ZFHX2: variants seen among roughly 807,000 people sequenced by gnomAD.
ZFHX2 encodes zinc finger homeobox 2.
In ZFHX2, 75 loss-of-function variants were observed where a neutral mutation model predicts 164.8. The ratio of observed to expected loss-of-function variants is 0.46; its 90% confidence interval spans 0.38 to 0.55. ZFHX2 has a LOEUF of 0.55. Among genes scored for constraint, ZFHX2 ranks in the 20% least tolerant of loss-of-function variants. The pLI is 0.00. For missense variants in ZFHX2, 2,933 were observed against 3,308.0 expected, an observed-to-expected ratio of 0.89 and a Z score of 2.78; for synonymous variants, 1,217 against 1,351.4, an observed-to-expected ratio of 0.90 and a Z score of 2.18.
intron 1 of ZFHX2, among the ~76,000 whole-genome samples, chr14:23,547,872 A>G (rs188533450): frequency 6.6e-6 from 1 of 152,304 alleles, no homozygotes; most frequent in East Asian, 1.9e-4. Context: ...AACTAGACAG[A>G]TGTAGCCACT....
chr14:23,522,765 C>G lies in ZFHX2; in HGVS notation c.6916G>C (p.Gly2306Arg). Residue 2306 changes from glycine (G) to arginine (R), a missense_variant, in exon 10 of 10, where the codon GGG (glycine) becomes CGG (arginine). By Grantham distance (125) the Gly-to-Arg change is moderately radical. Coordinates refer to ENST00000419474, the MANE Select transcript of ZFHX2 (RefSeq NM_033400.3). ...TTTCGCTCACTGGAGACCTTGTCCC[C>G]CAAGGGCTCAGTAGGAGGGCCTGGG... ...PVPGPPTEPLGDKVSSERKPV... is the reference protein window; with the variant it reads ...PVPGPPTEPLRDKVSSERKPV... 1 of 1,536,434 alleles carries G rather than the reference C, an allele frequency of 6.5e-7. No homozygotes were observed. Among genetic ancestry groups the G allele is most frequent in the Non-Finnish European group, 8.7e-7 (1 of 1,146,934 alleles).
chr14:23,548,887 G>A (rs998979504), intron 1 of ZFHX2, among the ~76,000 whole-genome samples: 1 of 152,100 alleles, frequency 6.6e-6, no homozygotes, highest in Non-Finnish European at 1.5e-5. Flanking sequence ...CATCAGTCAC[G>A]CTGTGTCCTC....
chr14:23,534,618 G>A lies in ZFHX2; in HGVS notation c.708C>T (p.Phe236=), dbSNP rs1460174421. ...GNSGGNHVAV[F]WLCLLCRLGF... is the part of the protein sequence containing the mutation. ...CCAGGCGGCACAGAAGGCAGAGCCAGAAGACCGCCACGTGGTTGCCCCCGC... is the reference window on the plus strand; with the variant it reads ...CCAGGCGGCACAGAAGGCAGAGCCAAAAGACCGCCACGTGGTTGCCCCCGC... The change falls in exon 2 of 10, where the codon TTC becomes TTT. Residue 236 remains phenylalanine, a synonymous_variant. Coordinates refer to ENST00000419474, the MANE Select transcript of ZFHX2 (RefSeq NM_033400.3). The surrounding 1 kb of genome is among the most constrained non-coding windows in gnomAD (Gnocchi z 4.5). 4 of 1,536,052 alleles carry A rather than the reference G, an allele frequency of 2.6e-6. No individual in the cohort carries two copies. In the African/African-American group the frequency reaches 5.5e-5, roughly 21 times the overall value.
chr14:23,541,277 G>T (rs933414119), intron 1 of ZFHX2, among the ~76,000 whole-genome samples: 6 of 149,640 alleles, frequency 4.0e-5, no homozygotes, highest in Non-Finnish European at 7.4e-5. Context: ...CAGAATCTTA[G>T]ATGGACAGGA....
intron 1 of ZFHX2, chr14:23,543,777 A>G (rs1395797198): frequency 6.6e-6 from 1 of 152,156 alleles, no homozygotes; most frequent in Non-Finnish European, 1.5e-5. Context: ...ACACATGTGT[A>G]TCCATATTAG....
In ZFHX2 at chr14:23,523,368, C is replaced by T. The variant is rs1200417672; in HGVS notation, c.6574G>A (p.Ala2192Thr). The T allele has an allele frequency of 6.7e-7, 1 of 1,481,778 alleles. No homozygotes were observed. The highest frequency in any genetic ancestry group is 1.4e-5 in the African/African-American group (1 of 71,836). 91.8% of individuals were successfully genotyped at this position (1,481,778 alleles called of 1,614,324 possible). The stretch of plus-strand genomic sequence containing the variant: ...GCTGGGGGAGCCTCAGGTGCTGGGG[C>T]CAAGTCGTAGCACTTGCTTTCACTC... Reference protein sequence around the residue: ...LKSESKCYDLAPAPEAPPALK... With the variant: ...LKSESKCYDLTPAPEAPPALK... Residue 2192 changes from alanine to threonine, a missense_variant, in exon 9 of 10, where the codon GCC becomes ACC. By Grantham distance (58) the Ala-to-Thr change is moderately conservative. Transcript: ENST00000419474. The surrounding 1 kb of genome is among the most constrained non-coding windows in gnomAD (Gnocchi z 4.1).
rs1881372720 is a variant in ZFHX2, at chr14:23,546,255, G to A, written c.-50+5088C>T. On this transcript the variant is annotated intron_variant, in intron 1 of 9. Coordinates refer to ENST00000419474, the MANE Select transcript of ZFHX2 (RefSeq NM_033400.3). The surrounding 1 kb of genome is among the most constrained non-coding windows in gnomAD (Gnocchi z 4.7). ...ATGCGACATTCCAGTTGATGGTCCT[G>A]CTGGGAATTCCAAGGCCTGAACTTT... 6.6e-6 allele frequency among the ~76,000 whole-genome samples: 1 copy of A among 152,178 alleles called. No individual in the cohort carries two copies. The highest frequency in any genetic ancestry group is 1.5e-5 in the Non-Finnish European group (1 of 68,048).
At chr14:23,553,209 A>G (rs1368156210), upstream of ZFHX2, among the ~76,000 whole-genome samples, 1 of 152,242 alleles carries the variant, frequency 6.6e-6, no homozygotes, top group Non-Finnish European at 1.5e-5. Flanking sequence ...CATGACAAAA[A>G]GGAGAGATAA....
chr14:23,530,034 G>C, intron 5 of ZFHX2, 86 bp downstream of exon 5: 1 of 1,316,430 alleles, frequency 7.6e-7, no homozygotes, highest in Non-Finnish European at 1.1e-6. Flanking sequence ...CTTGAGCACA[G>C]ACATTGCTGG....
Position 23,534,102 on chromosome 14 carries a change from G to A in ZFHX2, c.1224C>T (p.Ser408=). ...EGGTLPAPVG[S]PEDPSDPPQP... Reference sequence around the variant, plus strand: ...GGGGTGGGTCACTGGGGTCTTCGGGGGAGCCCACTGGGGCAGGGAGAGTGC... The same window carrying A: ...GGGGTGGGTCACTGGGGTCTTCGGGAGAGCCCACTGGGGCAGGGAGAGTGC... The change falls in exon 2 of 10, where the codon TCC becomes TCT. Residue 408 remains serine (S), a synonymous_variant. Coordinates refer to ENST00000419474, the MANE Select transcript of ZFHX2 (RefSeq NM_033400.3). This position sits in a 1 kb window ranked among gnomAD's most constrained non-coding sequence, Gnocchi z 4.5. The A allele has an allele frequency of 6.7e-7, 1 of 1,495,174 alleles. No homozygotes were observed. Among genetic ancestry groups the A allele is most frequent in the Non-Finnish European group, 8.9e-7 (1 of 1,125,210 alleles). 92.6% of individuals were successfully genotyped at this position (1,495,174 alleles called of 1,614,324 possible).
chr14:23,525,031 A>T lies in ZFHX2; in HGVS notation c.4911T>A (p.Arg1637=). 6.5e-7 allele frequency: 1 copy of T among 1,536,002 alleles called. No individual in the cohort carries two copies. Among genetic ancestry groups the T allele is most frequent in the Non-Finnish European group, 8.7e-7 (1 of 1,146,884 alleles). The change falls in exon 9 of 10, where the codon CGT becomes CGA. Residue 1637 remains arginine, a synonymous_variant. Coordinates refer to ENST00000419474, the MANE Select transcript of ZFHX2 (RefSeq NM_033400.3). The surrounding 1 kb of genome is among the most constrained non-coding windows in gnomAD (Gnocchi z 5.9). ...RLASLLGLAS[R]VVVVWFQNAR... is the part of the protein sequence containing the mutation. ...CATTCTGGAACCACACCACCACCAC[A>T]CGGCTAGCCAGACCCAACAGACTTG...
intron 1 of ZFHX2, chr14:23,543,210 G>C (rs750845865): frequency 6.6e-5 from 10 of 152,230 alleles, no homozygotes; most frequent in Non-Finnish European, 1.2e-4. Flanking sequence ...CCCTCGGCAA[G>C]TATCACATCA....
In ZFHX2 at chr14:23,525,998, C is replaced by T. The variant is rs1453271608; in HGVS notation, c.3944G>A (p.Gly1315Asp). ...CAGGAAAGGCAATCCAGATATGAAG[C>T]CACTGGTGTCAGGGCCCTTCTTCTC... The part of the protein sequence containing the change: ...GTEKKGPDTS[G>D]FISGLPFLSP... Residue 1315 changes from glycine (G) to aspartate (D), a missense_variant, in exon 9 of 10, where the codon GGC becomes GAC. Physicochemically the swap from Gly to Asp is moderately conservative, Grantham distance 94. Transcript: ENST00000419474. The surrounding 1 kb of genome is among the most constrained non-coding windows in gnomAD (Gnocchi z 5.9). The T allele has an allele frequency of 6.5e-7, 1 of 1,529,384 alleles. No homozygotes were observed. The highest frequency in any genetic ancestry group is 8.7e-7 in the Non-Finnish European group (1 of 1,143,232). 94.7% of individuals were successfully genotyped at this position (1,529,384 alleles called of 1,614,324 possible). A position where few individuals can be genotyped will look rare whatever the true frequency, so the allele number is the denominator to read the frequency against.
intron 6 of ZFHX2, chr14:23,529,368 G>A: frequency 3.4e-6 from 1 of 296,856 alleles, no homozygotes; most frequent in South Asian, 3.7e-5. Context: ...GGGATAAAGA[G>A]CTGGGCAGTA....
Position 23,524,363 on chromosome 14 carries a change from A to C in ZFHX2, c.5579T>G (p.Leu1860Arg). The change falls in exon 9 of 10, where the codon CTG becomes CGG. Residue 1860 changes from leucine (L) to arginine (R), a missense_variant. Coordinates refer to ENST00000419474, the MANE Select transcript of ZFHX2 (RefSeq NM_033400.3). The surrounding 1 kb of genome is among the most constrained non-coding windows in gnomAD (Gnocchi z 5.6). ...CTGCTCAGGCAAGATGGTGGTGCGC[A>C]GGCGCTTGTCCCTGGGGGGCTCGCC... ...GEGEPPRDKR[L>R]RTTILPEQLE... 1 of 1,536,266 alleles carries C rather than the reference A, an allele frequency of 6.5e-7. No individual in the cohort carries two copies.
chr14:23,533,107 T>G lies in ZFHX2; in HGVS notation c.2042-23A>C, dbSNP rs935630849. 6.7e-7 allele frequency: 1 copy of G among 1,491,474 alleles called. No individual in the cohort carries two copies. The highest frequency in any genetic ancestry group is 2.5e-5 in the East Asian group (1 of 40,394). 92.4% of individuals were successfully genotyped at this position (1,491,474 alleles called of 1,614,324 possible). A position where few individuals can be genotyped will look rare whatever the true frequency, so the allele number is the denominator to read the frequency against. ...GGGCTAGAGGACAGAGACAGATTAG[T>G]GGCCCAAGAAAGAAATGGGGCACGG... On this transcript the variant is annotated intron_variant, in intron 2 of 9. Coordinates refer to ENST00000419474, the MANE Select transcript of ZFHX2 (RefSeq NM_033400.3). The surrounding 1 kb of genome is among the most constrained non-coding windows in gnomAD (Gnocchi z 4.8).
chr14:23,534,176 C>T lies in ZFHX2; in HGVS notation c.1150G>A (p.Gly384Arg), dbSNP rs1465835595. 6.8e-7 allele frequency: 1 copy of T among 1,475,316 alleles called. No individual in the cohort carries two copies. The highest frequency in any genetic ancestry group is 1.4e-5 in the African/African-American group (1 of 71,362). 91.4% of individuals were successfully genotyped at this position (1,475,316 alleles called of 1,614,324 possible). ...WFPEGQEEDG[G>R]LCPPLNQSSP... ...CTTTGGTTGAGTGGGGGGCAGAGCC[C>T]TCCATCCTCTTCTTGCCCCTCAGGG... The change falls in exon 2 of 10, where the codon GGG becomes AGG. Residue 384 changes from glycine to arginine, a missense_variant. Physicochemically the swap from Gly to Arg is moderately radical, Grantham distance 125 (BLOSUM62 -2). Coordinates refer to ENST00000419474, the MANE Select transcript of ZFHX2 (RefSeq NM_033400.3). The surrounding 1 kb of genome is among the most constrained non-coding windows in gnomAD (Gnocchi z 4.5).
At chr14:23,545,763 G>A (rs926340054) in intron 1 of ZFHX2, among the ~76,000 whole-genome samples, 3 of 152,184 alleles carry the variant, frequency 2.0e-5, no homozygotes, top group Admixed American at 2.0e-4. Context: ...CTGTGATGGA[G>A]GCAAGAGAAG....
Position 23,534,326 on chromosome 14 carries a change from TA to T in ZFHX2, c.999del (p.Ile334SerfsTer32), listed in dbSNP as rs1193462095. On this transcript the variant is annotated frameshift_variant, in exon 2 of 10. Transcript: ENST00000419474. LOFTEE classifies it high-confidence loss of function. The surrounding 1 kb of genome is among the most constrained non-coding windows in gnomAD (Gnocchi z 4.5). Reference protein sequence around the residue: ...DGPPEAEVQALILLDEEVMAL... With the variant: ...DGPPEAEVQAXILLDEEVMAL... ...GCCATAACTTCTTCATCCAGGAGGA[TA>T]AGGGCCTGGACTTCTGCCTCAGGGG... 1 of 1,536,448 alleles carries T rather than the reference TA, an allele frequency of 6.5e-7. No individual in the cohort carries two copies.
Sources: allele counts gnomAD v4.1 joint callset (sites outside exome capture counted in the v4.1 genomes callset), GRCh38; gene constraint gnomAD v4.1.1; non-coding constraint Gnocchi (gnomAD v3.1); transcripts MANE v1.5; gene names NCBI Gene and HGNC (gene_info 2026-07-23, HGNC 2026-07-21).